The following SPAST variants were observed in gnomAD, a reference collection of about 807,000 sequenced individuals.
SPAST encodes spastin, also known as spastic paraplegia 4 (autosomal dominant; spastin).
Under a neutral mutation model 76.6 loss-of-function variants are expected in SPAST, and 30 were observed. The observed-to-expected ratio is 0.39, with a 90% CI of 0.29 to 0.53. The LOEUF (loss-of-function observed/expected upper bound fraction) is 0.53. SPAST is among the 20% of genes least tolerant of loss of function. The probability of loss-of-function intolerance (pLI) is 0.68; values close to 1 mark genes in which losing one functional copy is unlikely to be tolerated. For synonymous variants in SPAST, 305 were observed against 281.0 expected, an observed-to-expected ratio of 1.09 and a Z score of -0.86; for missense variants, 717 against 770.5, an observed-to-expected ratio of 0.93 and a Z score of 0.82.
chr2:32,146,195 T>A (rs1679879962), intron 15 of SPAST, among the ~76,000 whole-genome samples: 1 of 152,242 alleles, frequency 6.6e-6, no homozygotes, highest in Non-Finnish European at 1.5e-5. Context: ...TGAGTTGTAT[T>A]TTCTTAGAAC....
At position 32,064,035 on chromosome 2, in the gene SPAST, C is replaced by T. The variant is rs745621159; in HGVS notation, c.204C>T (p.Ala68=). ...GCTTCGCGCTGCTGCGTTTGGTCGC[C>T]TTCCACCTGGGGCTCCTCTTCGTGT... ...FVGFALLRLV[A]FHLGLLFVWL... The change falls in exon 1 of 17, where the codon GCC becomes GCT. Residue 68 remains alanine, a synonymous_variant. Transcript: ENST00000315285. 10 of 1,613,434 alleles carry T rather than the reference C, an allele frequency of 6.2e-6. No homozygotes were observed. Among genetic ancestry groups the T allele is most frequent in the Non-Finnish European group, 8.5e-6 (10 of 1,179,576 alleles).
intron 13 of SPAST, 100 bp from the exon 14 acceptor site, chr2:32,143,236 C>A: frequency 1.4e-6 from 1 of 734,944 alleles, no homozygotes; most frequent in Non-Finnish European, 2.4e-6. Flanking sequence ...CCCTGCACTC[C>A]AGCCTGGGTA....
chr2:32,094,083 C>A (rs1292019818), intron 3 of SPAST, among the ~76,000 whole-genome samples: 1 of 152,142 alleles, frequency 6.6e-6, no homozygotes, highest in Non-Finnish European at 1.5e-5. Flanking sequence ...CTGAAAAGCT[C>A]CAATTTTTAA....
intron 7 of SPAST, among the ~76,000 whole-genome samples, chr2:32,116,608 A>G (rs988099341): frequency 1.3e-5 from 2 of 152,156 alleles, no homozygotes; most frequent in Non-Finnish European, 2.9e-5. Context: ...CTGGGATTAC[A>G]GGCATGTGCC....
At chr2:32,085,312 G>A (rs755274461) in intron 1 of SPAST, among the ~76,000 whole-genome samples, 1 of 147,472 alleles carries the variant, frequency 6.8e-6, no homozygotes, top group Non-Finnish European at 1.5e-5. Flanking sequence ...TACCTCTTCA[G>A]CTCAAGTGAC....
intron 4 of SPAST, among the ~76,000 whole-genome samples, chr2:32,113,814 A>C (rs564169876): frequency 2.2e-4 from 33 of 151,674 alleles, no homozygotes; most frequent in African/African-American, 8.0e-4. Flanking sequence ...TGATCCGTCC[A>C]CCTCGATCTC....
intron 3 of SPAST, among the ~76,000 whole-genome samples, chr2:32,093,449 T>C (rs1297046458): frequency 3.9e-5 from 6 of 152,100 alleles, no homozygotes; most frequent in Admixed American, 2.6e-4. Flanking sequence ...ACCACTGCAC[T>C]CTAGCCTGGA....
intron 9 of SPAST, among the ~76,000 whole-genome samples, chr2:32,132,775 G>A (rs1311663691): frequency 1.3e-5 from 2 of 152,146 alleles, no homozygotes; most frequent in Admixed American, 6.6e-5. Context: ...TTGGGAGGCC[G>A]AGGTGGGCAG....
At chr2:32,073,139 C>T (rs1676819052) in intron 1 of SPAST, among the ~76,000 whole-genome samples, 1 of 152,098 alleles carries the variant, frequency 6.6e-6, no homozygotes, top group Non-Finnish European at 1.5e-5. Flanking sequence ...ACTGGATTCC[C>T]CATATTACTG....
intron 1 of SPAST, among the ~76,000 whole-genome samples, chr2:32,066,284 A>G (rs1676507679): frequency 6.6e-6 from 1 of 152,108 alleles, no homozygotes. Flanking sequence ...AGCAAGCTCC[A>G]TTCTTTATCA....
In SPAST at chr2:32,147,725, G is replaced by A. The variant is rs190625206; in HGVS notation, c.1728+467G>A. Among the ~76,000 whole-genome samples, 1,404 of 150,742 alleles carry A rather than the reference G, an allele frequency of 9.3e-3. 21 individuals carry two copies. The highest frequency in any genetic ancestry group is 0.033 in the African/African-American group (1,342 of 40,282). ...CAGCTCACTGCAAGCTCTGCCTCCC[G>A]GGTTCACGCCATTCTCCTGCCTCAG... On this transcript the variant is annotated intron_variant, in intron 16 of 16. Coordinates refer to ENST00000315285, the MANE Select transcript of SPAST (RefSeq NM_014946.4).
intron 9 of SPAST, among the ~76,000 whole-genome samples, chr2:32,133,976 C>T (rs975079222): frequency 2.0e-5 from 3 of 152,028 alleles, no homozygotes; most frequent in African/African-American, 7.3e-5. Flanking sequence ...TAAAATAGTA[C>T]CTGTTTTTCT....
In SPAST at chr2:32,063,765, G is replaced by A. The variant is rs915046280; in HGVS notation, c.-67G>A. ...GGCCCCCGCCGTAGCAGTGGCTGCC[G>A]CCGTCGCTTGGTTCCCGTCGGTCTG... On this transcript the variant is annotated 5_prime_UTR_variant, in exon 1 of 17. Coordinates refer to ENST00000315285, the MANE Select transcript of SPAST (RefSeq NM_014946.4). 1.3e-6 allele frequency: 2 copies of A among 1,526,094 alleles called. No individual in the cohort carries two copies. Among genetic ancestry groups the A allele is most frequent in the East Asian group, 2.5e-5 (1 of 40,674 alleles). 94.5% of individuals were successfully genotyped at this position (1,526,094 alleles called of 1,614,324 possible).
rs113621862 is a variant in SPAST, at chr2:32,118,613, G to A, written c.1098+2401G>A. On this transcript the variant is annotated intron_variant, in intron 7 of 16. Transcript: ENST00000315285. ...ATTTACATAATTGTAGACCTGAAAA[G>A]GATCTTAGCAGTCTTCTGATCGATT... 9.7e-3 allele frequency among the ~76,000 whole-genome samples: 1,479 copies of A among 152,228 alleles called. 34 individuals are homozygous for A. The highest frequency in any genetic ancestry group is 0.033 in the African/African-American group (1,377 of 41,546).
At chr2:32,097,250 T>TG (rs1374684766) in intron 3 of SPAST, among the ~76,000 whole-genome samples, 1 of 152,192 alleles carries the variant, frequency 6.6e-6, no homozygotes, top group Non-Finnish European at 1.5e-5. Context: ...ACCCAGATCT[T>TG]GGGAGGGGTT....
At chr2:32,126,469 C>CTTTTTTTTTTTT (rs70938323) in intron 7 of SPAST, 1 of 38,702 alleles carries the variant, frequency 2.6e-5, no homozygotes, top group Non-Finnish European at 4.8e-5. Context: ...GGTTTTATTT[C>CTTTTTTTTTTTT]TTTTTTTTTT....
chr2:32,116,519 G>A (rs1453471786), intron 7 of SPAST, among the ~76,000 whole-genome samples: 1 of 152,144 alleles, frequency 6.6e-6, no homozygotes, highest in East Asian at 1.9e-4. Context: ...AGGCTGGAGT[G>A]CAGTGGCATG....
At chr2:32,072,208 AT>A (rs34117849) in intron 1 of SPAST, among the ~76,000 whole-genome samples, 62,657 of 151,166 alleles carry the variant, frequency 0.41, 13,219 homozygotes, top group East Asian at 0.64. Context: ...ATGCCCAGCT[AT>A]TTTTTTTGTA....
intron 3 of SPAST, among the ~76,000 whole-genome samples, chr2:32,090,553 A>G (rs933616664): frequency 2.0e-5 from 3 of 152,112 alleles, no homozygotes; most frequent in African/African-American, 7.2e-5. Context: ...GACCCCCCCA[A>G]AATGCAATTT....
Sources: allele counts gnomAD v4.1 joint callset (sites outside exome capture counted in the v4.1 genomes callset), GRCh38; gene constraint gnomAD v4.1.1; transcripts MANE v1.5; gene names NCBI Gene and HGNC (gene_info 2026-07-23, HGNC 2026-07-21).